Variants in PLOD2 observed in about 807,000 individuals in gnomAD.
The protein encoded by PLOD2 is lysine hydroxylase 2.
In PLOD2, 65 loss-of-function variants were observed where a neutral mutation model predicts 101.0. That is an observed-to-expected ratio of 0.64 (90% CI 0.53 to 0.79). PLOD2 has a LOEUF of 0.79. PLOD2 is among the 30% of genes least tolerant of loss of function. The pLI is 0.00. For missense variants in PLOD2, 909 were observed against 914.6 expected, an observed-to-expected ratio of 0.99 and a Z score of 0.08; for synonymous variants, 314 against 302.9, an observed-to-expected ratio of 1.04 and a Z score of -0.38.
chr3:146,110,964 C>T (rs919199815), intron 3 of PLOD2, among the ~76,000 whole-genome samples: 7 of 152,026 alleles, frequency 4.6e-5, no homozygotes, highest in Non-Finnish European at 7.4e-5. Context: ...AAAATAAGTG[C>T]GTTCAGACAA....
At chr3:146,148,474 C>G (rs2031902381) in intron 1 of PLOD2, among the ~76,000 whole-genome samples, 1 of 152,002 alleles carries the variant, frequency 6.6e-6, no homozygotes, top group Admixed American at 6.6e-5. Flanking sequence ...AAAAAAATGA[C>G]TTCAAAGTTT....
At chr3:146,158,282 T>C (rs1454359330) in intron 1 of PLOD2, among the ~76,000 whole-genome samples, 1 of 152,090 alleles carries the variant, frequency 6.6e-6, no homozygotes, top group African/African-American at 2.4e-5. Flanking sequence ...AGGTAACAAT[T>C]CCTATACGTT....
chr3:146,115,607 C>T (rs554373626), intron 3 of PLOD2, among the ~76,000 whole-genome samples: 2 of 152,186 alleles, frequency 1.3e-5, no homozygotes, highest in East Asian at 3.9e-4. Context: ...AGGCACAAGG[C>T]TAGATTAATT....
At chr3:146,086,421 C>T (rs1285722310) in intron 10 of PLOD2, 1 of 159,036 alleles carries the variant, frequency 6.3e-6, no homozygotes, top group Non-Finnish European at 1.4e-5. Context: ...CTGTTTCCCC[C>T]ACAGTCTAAA....
chr3:146,127,610 T>C (rs1366628933), intron 1 of PLOD2, among the ~76,000 whole-genome samples: 2 of 152,186 alleles, frequency 1.3e-5, no homozygotes, highest in African/African-American at 2.4e-5. Context: ...ATGACTTTGT[T>C]GTTGTGAATA....
intron 7 of PLOD2, among the ~76,000 whole-genome samples, chr3:146,097,803 A>AAATAAT (rs372713932): frequency 7.0e-6 from 1 of 142,088 alleles, no homozygotes; most frequent in African/African-American, 2.6e-5. Flanking sequence ...AATAAAAAAA[A>AAATAAT]AATAATAATA....
At chr3:146,149,555 C>T (rs1157290402) in intron 1 of PLOD2, among the ~76,000 whole-genome samples, 3 of 152,036 alleles carry the variant, frequency 2.0e-5, no homozygotes, top group Admixed American at 1.3e-4. Context: ...TATTTACTTG[C>T]TGTTTAAAAT....
At chr3:146,117,331 C>T (rs929209802) in intron 3 of PLOD2, among the ~76,000 whole-genome samples, 1 of 151,958 alleles carries the variant, frequency 6.6e-6, no homozygotes, top group East Asian at 1.9e-4. Context: ...CAGAGCTAAC[C>T]TTAATTAAGA....
intron 1 of PLOD2, among the ~76,000 whole-genome samples, chr3:146,132,863 T>A (rs562023455): frequency 1.3e-5 from 2 of 152,268 alleles, no homozygotes; most frequent in Non-Finnish European, 2.9e-5. Flanking sequence ...TGAATAAATA[T>A]TAGACAAAGA....
chr3:146,081,377 T>C (rs1576577105), intron 12 of PLOD2, among the ~76,000 whole-genome samples: 1 of 152,220 alleles, frequency 6.6e-6, no homozygotes, highest in Non-Finnish European at 1.5e-5. Context: ...TTAAAACCTA[T>C]CAAAACAACC....
Position 146,150,802 on chromosome 3 carries a change from G to GA in PLOD2, c.109+10078dup, listed in dbSNP as rs527816468. On this transcript the variant is annotated intron_variant, in intron 1 of 19. Coordinates refer to ENST00000282903, the MANE Select transcript of PLOD2 (RefSeq NM_182943.3). Reference sequence around the variant, plus strand: ...CTTAAAGGTCAGGACTGAAACAGATGAATATAAGTTTATTTTTTTAACAGC... The same window carrying GA: ...CTTAAAGGTCAGGACTGAAACAGATGAAATATAAGTTTATTTTTTTAACAGC... 9.9e-4 allele frequency among the ~76,000 whole-genome samples: 151 copies of GA among 152,206 alleles called. 1 individual carries two copies. Among genetic ancestry groups the GA allele is most frequent in the African/African-American group, 3.4e-3 (141 of 41,530 alleles).
intron 1 of PLOD2, among the ~76,000 whole-genome samples, chr3:146,150,388 T>C (rs1404673038): frequency 6.6e-6 from 1 of 150,390 alleles, no homozygotes. Context: ...AACTTCTACG[T>C]AGCCATTAAA....
chr3:146,088,550 G>T, intron 9 of PLOD2, 36 bp downstream of exon 9: 3 of 1,402,742 alleles, frequency 2.1e-6, no homozygotes, highest in Non-Finnish European at 3.0e-6. Flanking sequence ...ACCAAAAATA[G>T]TTTTGACATA....
At chr3:146,116,868 C>T (rs925497319) in intron 3 of PLOD2, among the ~76,000 whole-genome samples, 2 of 151,900 alleles carry the variant, frequency 1.3e-5, no homozygotes, top group Non-Finnish European at 2.9e-5. Flanking sequence ...TAAATCTTAC[C>T]CTACAGATTA....
Position 146,070,830 on chromosome 3 carries a change from A to C in PLOD2, c.2164T>G (p.Ser722Ala). 8.1e-6 allele frequency: 13 copies of C among 1,610,786 alleles called. No homozygotes were observed. Among genetic ancestry groups the C allele is most frequent in the Non-Finnish European group, 9.3e-6 (11 of 1,177,804 alleles). The change falls in exon 20 of 20, where the codon TCA becomes GCA. Residue 722 changes from serine to alanine, a missense_variant. Physicochemically the swap from Ser to Ala is moderately conservative, Grantham distance 99. Coordinates refer to ENST00000282903, the MANE Select transcript of PLOD2 (RefSeq NM_182943.3). ...ATGAAGCTCCAGCCTTTTCGTGGTGACTCAATAGAGCAATTGTACCTTAGA... is the reference window on the plus strand; with the variant it reads ...ATGAAGCTCCAGCCTTTTCGTGGTGCCTCAATAGAGCAATTGTACCTTAGA... ...KFLRYNCSIE[S>A]PRKGWSFMHP...
chr3:146,085,592 T>C, intron 10 of PLOD2: 1 of 342,664 alleles, frequency 2.9e-6, no homozygotes, highest in Non-Finnish European at 5.2e-6. Flanking sequence ...TACATACACA[T>C]GCACACAAAT....
At chr3:146,156,139 T>C (rs745973875) in intron 1 of PLOD2, among the ~76,000 whole-genome samples, 5 of 152,354 alleles carry the variant, frequency 3.3e-5, no homozygotes, top group East Asian at 1.9e-4. Context: ...AGAAACTCTA[T>C]GTTTGAACGC....
Position 146,160,950 on chromosome 3 carries a change from C to A in PLOD2, c.40G>T (p.Ala14Ser). The change falls in exon 1 of 20, where the codon GCG (alanine) becomes TCG (serine). Residue 14 changes from alanine to serine, a missense_variant. Coordinates refer to ENST00000282903, the MANE Select transcript of PLOD2 (RefSeq NM_182943.3). ...CTVKPQLLLL[A>S]LVLHPWNPCL... ...GGATTCCAGGGGTGGAGGACGAGCGCCAGGAGCAGCAGCTGAGGCTTCACC... is the reference window on the plus strand; with the variant it reads ...GGATTCCAGGGGTGGAGGACGAGCGACAGGAGCAGCAGCTGAGGCTTCACC... The A allele has an allele frequency of 6.2e-7, 1 of 1,600,122 alleles. No individual in the cohort carries two copies. Among genetic ancestry groups the A allele is most frequent in the Non-Finnish European group, 8.5e-7 (1 of 1,173,770 alleles).
intron 1 of PLOD2, among the ~76,000 whole-genome samples, chr3:146,155,354 AAC>A (rs2032253290): frequency 6.6e-6 from 1 of 152,052 alleles, no homozygotes; most frequent in Non-Finnish European, 1.5e-5. Context: ...TTAATTAAAT[AAC>A]AGTCTCTATA....
Sources: allele counts gnomAD v4.1 joint callset (sites outside exome capture counted in the v4.1 genomes callset), GRCh38; gene constraint gnomAD v4.1.1; transcripts MANE v1.5; gene names NCBI Gene and HGNC (gene_info 2026-07-23, HGNC 2026-07-21).